Variants in MAGT1 observed in about 807,000 individuals in gnomAD.
MAGT1 encodes the protein magnesium transporter 1, also known as dolichyl-diphosphooligosaccharide--protein glycosyltransferase subunit MAGT1.
A neutral mutation model predicts 28.4 loss-of-function variants in MAGT1; 4 were observed. The observed-to-expected ratio is 0.14, with a 90% CI of 0.07 to 0.32. MAGT1 has a LOEUF of 0.32. Ranked by LOEUF, MAGT1 falls within the 10% of genes least tolerant of loss-of-function variation. The probability of loss-of-function intolerance (pLI) is 1.00; values close to 1 mark genes in which losing one functional copy is unlikely to be tolerated. For synonymous variants in MAGT1, 89 were observed against 89.7 expected, an observed-to-expected ratio of 0.99 and a Z score of 0.04; for missense variants, 193 against 264.5, an observed-to-expected ratio of 0.73 and a Z score of 1.88.
At chrX:77,878,805 GA>G (rs1281237644) in intron 1 of MAGT1, among the ~76,000 whole-genome samples, 114 of 72,339 alleles carry the variant, frequency 1.6e-3, no homozygotes, top group East Asian at 0.012. Flanking sequence ...AAAAAAAAAA[GA>G]AAAAAAAAAA....
At chrX:77,877,792 G>A (rs1557218005) in intron 1 of MAGT1, among the ~76,000 whole-genome samples, 1 of 104,618 alleles carries the variant, frequency 9.6e-6, no homozygotes, top group African/African-American at 3.5e-5. Flanking sequence ...CAACGTGGGC[G>A]ACAGAGTGAG....
Position 77,875,477 on chromosome X carries a change from T to C in MAGT1, c.223A>G (p.Ile75Val), listed in dbSNP as rs2077030931. Residue 75 changes from isoleucine to valine, a missense_variant, in exon 2 of 10, where the codon ATC becomes GTC. Ile to Val is a conservative substitution (Grantham distance 29, BLOSUM62 3). Coordinates refer to ENST00000618282, the MANE Select transcript of MAGT1 (RefSeq NM_001367916.1). Reference protein sequence around the residue: ...VKAPPRNYSVIVMFTALQLHR... With the variant: ...VKAPPRNYSVVVMFTALQLHR... ...AGTTGGAGAGCAGTGAACATGACGA[T>C]AACGGAGTAATTTCTCGGTGGGGCT... The C allele has an allele frequency of 8.3e-7, 1 of 1,210,896 alleles. No homozygotes were observed. The highest frequency in any genetic ancestry group is 3.0e-5 in the East Asian group (1 of 33,810).
intron 6 of MAGT1, among the ~76,000 whole-genome samples, chrX:77,855,089 G>A (rs1326814725): frequency 1.8e-5 from 2 of 111,305 alleles, no homozygotes; most frequent in African/African-American, 6.5e-5. Context: ...TGAGGCAGGC[G>A]CATCACCTGA....
At chrX:77,840,392 C>A (rs2076931686) in intron 8 of MAGT1, among the ~76,000 whole-genome samples, 1 of 107,782 alleles carries the variant, frequency 9.3e-6, no homozygotes, top group Non-Finnish European at 1.9e-5. Context: ...GCCGAGATTG[C>A]ACCACTGCAC....
At chrX:77,854,922 C>T (rs1557215825) in intron 6 of MAGT1, among the ~76,000 whole-genome samples, 2 of 112,106 alleles carry the variant, frequency 1.8e-5, no homozygotes, top group African/African-American at 6.5e-5. Flanking sequence ...GGTACTTGAT[C>T]AATTTTTCTA....
Position 77,829,041 on chromosome X carries a change from G to T in MAGT1, c.*179C>A. ...ATTATTTTCAAATACCTCAGATTTT[G>T]ACAGAGGATTGCTTGTTAAGGCACT... On this transcript the variant is annotated 3_prime_UTR_variant, in exon 10 of 10. Transcript: ENST00000618282. The T allele has an allele frequency of 4.9e-6, 2 of 410,472 alleles. No homozygotes were observed. The highest frequency in any genetic ancestry group is 4.4e-6 in the Non-Finnish European group (1 of 229,431). The allele number at this position is 410,472 out of a possible 1,213,427, so 33.8% of individuals were successfully genotyped here. A position where few individuals can be genotyped will look rare whatever the true frequency, so the allele number is the denominator to read the frequency against.
chrX:77,879,259 G>A (rs1489406456), intron 1 of MAGT1, among the ~76,000 whole-genome samples: 1 of 111,277 alleles, frequency 9.0e-6, no homozygotes, highest in Non-Finnish European at 1.9e-5. Context: ...GTTTCACCAT[G>A]TTGGCCAGGC....
At chrX:77,850,970 T>C (rs1232134134) in intron 7 of MAGT1, among the ~76,000 whole-genome samples, 1 of 109,658 alleles carries the variant, frequency 9.1e-6, no homozygotes, top group Admixed American at 9.8e-5. Flanking sequence ...TCTTTTCTGT[T>C]CTTTTTTTTT....
chrX:77,858,932 G>A (rs1005690973), intron 3 of MAGT1, among the ~76,000 whole-genome samples: 4 of 111,714 alleles, frequency 3.6e-5, no homozygotes, highest in South Asian at 3.7e-4. Flanking sequence ...AAAACTGGCC[G>A]GGTGCGGTGG....
intron 3 of MAGT1, among the ~76,000 whole-genome samples, chrX:77,869,671 G>A (rs1448672150): frequency 6.7e-5 from 7 of 104,091 alleles, no homozygotes; most frequent in Non-Finnish European, 3.9e-5. Context: ...AAACCACAAT[G>A]AAATACTACT....
intron 1 of MAGT1, among the ~76,000 whole-genome samples, chrX:77,888,418 C>CACT (rs2077072981): frequency 9.0e-6 from 1 of 111,374 alleles, no homozygotes; most frequent in Admixed American, 9.7e-5. Flanking sequence ...AAAATCACCT[C>CACT]ACTACTAGAA....
At chrX:77,887,523 C>T (rs1470034416) in intron 1 of MAGT1, among the ~76,000 whole-genome samples, 2 of 111,581 alleles carry the variant, frequency 1.8e-5, no homozygotes, top group Non-Finnish European at 3.8e-5. Flanking sequence ...TATGGAAAGG[C>T]ATGGTTGAGA....
chrX:77,844,585 G>A (rs1161487350), intron 7 of MAGT1, among the ~76,000 whole-genome samples: 13 of 111,139 alleles, frequency 1.2e-4, no homozygotes, highest in Non-Finnish European at 2.1e-4. Flanking sequence ...TGGGCATTTA[G>A]TGCTATAAAT....
At chrX:77,861,078 C>G (rs1399326851) in intron 3 of MAGT1, among the ~76,000 whole-genome samples, 1 of 109,347 alleles carries the variant, frequency 9.1e-6, no homozygotes, top group African/African-American at 3.3e-5. Flanking sequence ...ACTCGGGAGG[C>G]TGAGGCAGGA....
At chrX:77,842,656 G>A (rs1239610664) in intron 7 of MAGT1, among the ~76,000 whole-genome samples, 3 of 109,890 alleles carry the variant, frequency 2.7e-5, no homozygotes, top group African/African-American at 9.9e-5. Context: ...GCAAAAACCC[G>A]TTTCTACTAA....
At chrX:77,852,587 C>T (rs551319399) in intron 7 of MAGT1, among the ~76,000 whole-genome samples, 2 of 110,538 alleles carry the variant, frequency 1.8e-5, no homozygotes, top group African/African-American at 6.6e-5. Flanking sequence ...ATTTAAGTTT[C>T]GTTTTTTTTC....
At chrX:77,847,261 T>C (rs988401373) in intron 7 of MAGT1, among the ~76,000 whole-genome samples, 9 of 112,675 alleles carry the variant, frequency 8.0e-5, no homozygotes, top group Non-Finnish European at 1.3e-4. Context: ...CCTGGTGTGC[T>C]GTTTGCTAAG....
rs993132408 is a variant in MAGT1 at position 77,872,285 on chromosome X, C to T, written c.273-1360G>A. On this transcript the variant is annotated intron_variant, in intron 2 of 9. Transcript: ENST00000618282. ...CTTGAAATCCTGTCCTCAGGTGATC[C>T]GCCTGCCTCAGCCTCCCAAAGTGCT... 6.3e-5 allele frequency among the ~76,000 whole-genome samples: 7 copies of T among 111,261 alleles called. No individual in the cohort carries two copies. In the East Asian group the frequency reaches 1.4e-3, roughly 23 times the overall value.
At chrX:77,871,618 C>T (rs898811643) in intron 2 of MAGT1, among the ~76,000 whole-genome samples, 36 of 111,265 alleles carry the variant, frequency 3.2e-4, no homozygotes, top group Non-Finnish European at 5.7e-4. Flanking sequence ...CTGAGGCAGG[C>T]GGATCACAAG....
Sources: gnomAD v4.1 joint callset for allele counts (sites outside exome capture counted in the v4.1 genomes callset) on GRCh38, gnomAD v4.1.1 for gene constraint, MANE v1.5 for transcripts, NCBI Gene and HGNC (gene_info 2026-07-23, HGNC 2026-07-21) for gene names.